The following PTPRT variants were observed in gnomAD, a reference collection of about 807,000 sequenced individuals.
PTPRT encodes the protein protein tyrosine phosphatase receptor type T, also known as receptor-type tyrosine-protein phosphatase T.
In PTPRT, 56 loss-of-function variants were observed where a neutral mutation model predicts 176.8. The ratio of observed to expected loss-of-function variants is 0.32; its 90% CI spans 0.26 to 0.40. The LOEUF (loss-of-function observed/expected upper bound fraction) is 0.40, where lower values mean the gene tolerates loss of function less well. Ranked by LOEUF, PTPRT falls within the 10% of genes least tolerant of loss-of-function variation. PTPRT has a pLI of 1.00. For synonymous variants in PTPRT, 783 were observed against 739.0 expected (o/e 1.06, Z -0.96); for missense variants, 1,540 against 1,908.2 (o/e 0.81, Z 3.60).
intron 7 of PTPRT, among the ~76,000 whole-genome samples, chr20:42,621,631 G>A (rs1047217763): frequency 2.6e-5 from 4 of 152,072 alleles, no homozygotes; most frequent in African/African-American, 9.7e-5. Context: ...TTTCCTTCTG[G>A]ATTTGCTGTG....
rs545349859 is a variant in PTPRT at position 42,485,986 on chromosome 20, T to C, written c.1154-13424A>G. On this transcript the variant is annotated intron_variant, in intron 7 of 30. Coordinates refer to ENST00000373187, the MANE Select transcript of PTPRT (RefSeq NM_007050.6). ...AAAGCTGTCCATCTCAGTTAACTTGTGGCAAACAAGAATGGAACCCCAGTA... is the reference window on the plus strand; with the variant it reads ...AAAGCTGTCCATCTCAGTTAACTTGCGGCAAACAAGAATGGAACCCCAGTA... Among the ~76,000 whole-genome samples, 227 of 152,326 alleles carry C rather than the reference T, an allele frequency of 1.5e-3. 1 individual carries two copies. The highest frequency in any genetic ancestry group is 2.9e-3 in the Non-Finnish European group (199 of 68,020).
chr20:42,340,838 CA>C (rs1471444845), intron 11 of PTPRT, among the ~76,000 whole-genome samples: 1 of 151,708 alleles, frequency 6.6e-6, no homozygotes, highest in African/African-American at 2.4e-5. Context: ...TAAAAGTCAG[CA>C]GAAAAAAAAG....
intron 15 of PTPRT, among the ~76,000 whole-genome samples, chr20:42,217,683 G>A (rs1169207254): frequency 2.0e-5 from 3 of 152,080 alleles, no homozygotes; most frequent in Non-Finnish European, 2.9e-5. Flanking sequence ...AGTGCACTGC[G>A]GGATGCTTAG....
At chr20:42,549,100 T>C (rs2072724039) in intron 7 of PTPRT, among the ~76,000 whole-genome samples, 2 of 152,166 alleles carry the variant, frequency 1.3e-5, no homozygotes, top group Non-Finnish European at 2.9e-5. Context: ...CTCCAATTTA[T>C]AGTCCAGAGA....
intron 16 of PTPRT, among the ~76,000 whole-genome samples, chr20:42,183,974 T>A (rs969046391): frequency 6.6e-6 from 1 of 152,120 alleles, no homozygotes; most frequent in Non-Finnish European, 1.5e-5. Context: ...GAGAGAGTGA[T>A]TCCAGCCTAC....
At chr20:42,331,328 A>G (rs1190376580) in intron 11 of PTPRT, among the ~76,000 whole-genome samples, 3 of 152,172 alleles carry the variant, frequency 2.0e-5, no homozygotes, top group Non-Finnish European at 2.9e-5. Flanking sequence ...TGTTTTTAAA[A>G]GAGTAATCAG....
At chr20:42,728,204 C>A (rs547748284) in intron 6 of PTPRT, among the ~76,000 whole-genome samples, 1 of 152,212 alleles carries the variant, frequency 6.6e-6, no homozygotes, top group African/African-American at 2.4e-5. Flanking sequence ...TAAGCCAGTG[C>A]CTCTCAAATT....
chr20:42,741,865 G>A (rs1600686259), intron 6 of PTPRT, among the ~76,000 whole-genome samples: 1 of 152,034 alleles, frequency 6.6e-6, no homozygotes, highest in Non-Finnish European at 1.5e-5. Flanking sequence ...TGGGAGGAGG[G>A]TACCCTGTAG....
intron 6 of PTPRT, 109 bp from the exon 7 acceptor site, chr20:42,678,268 T>C: frequency 9.6e-7 from 1 of 1,041,076 alleles, no homozygotes; most frequent in Non-Finnish European, 1.3e-6. Context: ...ACAAAAAAAA[T>C]AGTCAGAAAC....
At chr20:42,518,257 C>T (rs2072105554) in intron 7 of PTPRT, among the ~76,000 whole-genome samples, 1 of 151,916 alleles carries the variant, frequency 6.6e-6, no homozygotes, top group African/African-American at 2.4e-5. Context: ...TATCTGTAAC[C>T]TTTCCATGAT....
chr20:42,812,269 A>G (rs2077709141), intron 2 of PTPRT, among the ~76,000 whole-genome samples: 1 of 152,110 alleles, frequency 6.6e-6, no homozygotes, highest in African/African-American at 2.4e-5. Context: ...AATTATTTTA[A>G]GTGTACAATT....
At chr20:42,555,594 C>A (rs1039149057) in intron 7 of PTPRT, among the ~76,000 whole-genome samples, 5 of 152,092 alleles carry the variant, frequency 3.3e-5, no homozygotes, top group African/African-American at 1.2e-4. Context: ...ACTATGCATC[C>A]CGGCATCCCG....
At chr20:42,168,329 T>C (rs1989919925) in intron 16 of PTPRT, among the ~76,000 whole-genome samples, 1 of 152,210 alleles carries the variant, frequency 6.6e-6, no homozygotes, top group African/African-American at 2.4e-5. Flanking sequence ...TAATTGCTGA[T>C]GGTGATGACA....
At chr20:42,188,424 C>A (rs575964164) in intron 16 of PTPRT, among the ~76,000 whole-genome samples, 37 of 152,226 alleles carry the variant, frequency 2.4e-4, no homozygotes, top group African/African-American at 8.7e-4. Context: ...GGCTTGGTTT[C>A]TCGGTAGCTA....
chr20:42,384,835 G>C (rs2058729859), intron 9 of PTPRT, among the ~76,000 whole-genome samples: 2 of 152,174 alleles, frequency 1.3e-5, no homozygotes, highest in African/African-American at 4.8e-5. Flanking sequence ...CTTCCATGAT[G>C]ATTAGTGATG....
intron 1 of PTPRT, among the ~76,000 whole-genome samples, chr20:42,966,623 T>C (rs1982310108): frequency 6.6e-6 from 1 of 152,194 alleles, no homozygotes; most frequent in African/African-American, 2.4e-5. Flanking sequence ...TTAGAACATC[T>C]TCACCTGGGT....
chr20:42,477,724 A>G (rs2071315463), intron 7 of PTPRT, among the ~76,000 whole-genome samples: 1 of 152,198 alleles, frequency 6.6e-6, no homozygotes, highest in Admixed American at 6.5e-5. Flanking sequence ...TTCTTGAGTA[A>G]TAGCCCACAG....
intron 7 of PTPRT, among the ~76,000 whole-genome samples, chr20:42,627,880 A>T (rs558493192): frequency 1.3e-5 from 2 of 152,264 alleles, no homozygotes; most frequent in South Asian, 4.1e-4. Flanking sequence ...AAGGATGATC[A>T]GTAACGAATG....
Position 42,524,305 on chromosome 20 carries a change from C to T in PTPRT, c.1154-51743G>A, listed in dbSNP as rs8114630. Among the ~76,000 whole-genome samples the T allele has an allele frequency of 7.7e-3, 1,175 of 152,242 alleles. 15 individuals are homozygous for T. The highest frequency in any genetic ancestry group is 0.027 in the African/African-American group (1,126 of 41,548). ...GGGAAAGAGATTGATTTTCCCTTTC[C>T]TCAGCTAAAATGCTTTGACTTTCCT... is the stretch of plus-strand genomic sequence containing the variant. On this transcript the variant is annotated intron_variant, in intron 7 of 30. Transcript: ENST00000373187.
Sources: gnomAD v4.1 joint callset for allele counts (sites outside exome capture counted in the v4.1 genomes callset) on GRCh38, gnomAD v4.1.1 for gene constraint, MANE v1.5 for transcripts, NCBI Gene and HGNC (gene_info 2026-07-23, HGNC 2026-07-21) for gene names.